The following WASF2 variants were observed in gnomAD, a reference collection of about 807,000 sequenced individuals.
The protein encoded by WASF2 is actin-binding protein WASF2.
Under a neutral mutation model 45.0 loss-of-function variants are expected in WASF2, and 14 were observed. The ratio of observed to expected loss-of-function variants is 0.31; its 90% CI spans 0.21 to 0.49. The LOEUF (loss-of-function observed/expected upper bound fraction) is 0.49. WASF2 is among the 20% of genes least tolerant of loss of function. WASF2 has a pLI of 0.99. For synonymous variants in WASF2, 200 were observed against 236.3 expected (o/e 0.85, Z 1.41); for missense variants, 439 against 636.1 (o/e 0.69, Z 3.33).
chr1:27,489,509 G>A (rs1037879378), intron 1 of WASF2, among the ~76,000 whole-genome samples: 20 of 151,294 alleles, frequency 1.3e-4, no homozygotes, highest in Non-Finnish European at 2.2e-4. Flanking sequence ...AGCAGGCCGG[G>A]GCCTCAACGA....
rs542082112 is a variant in WASF2 at position 27,458,968 on chromosome 1, A to G, written c.-43-30035T>C. Among the ~76,000 whole-genome samples the G allele has an allele frequency of 2.6e-5, 4 of 151,988 alleles. No homozygotes were observed. In the South Asian group the frequency reaches 8.3e-4, roughly 32 times the overall value. On this transcript the variant is annotated intron_variant, in intron 1 of 8. Coordinates refer to ENST00000618852, the MANE Select transcript of WASF2 (RefSeq NM_006990.5). ...TGGTAAAACCCTGTCTCTACTAAAA[A>G]TACAAAAATTAGCCAGGTGAGGTGG... is the stretch of plus-strand genomic sequence containing the variant.
intron 2 of WASF2, among the ~76,000 whole-genome samples, chr1:27,425,112 A>C (rs537338977): frequency 6.6e-6 from 1 of 152,232 alleles, no homozygotes; most frequent in African/African-American, 2.4e-5. Context: ...TATTTATTTG[A>C]GACAAGGTCT....
chr1:27,467,461 C>T (rs1393270538), intron 1 of WASF2, among the ~76,000 whole-genome samples: 10 of 149,666 alleles, frequency 6.7e-5, no homozygotes, highest in Non-Finnish European at 1.0e-4. Context: ...CCACCACGCC[C>T]GGCTAACTTT....
chr1:27,442,613 C>T (rs1484341249), intron 1 of WASF2, among the ~76,000 whole-genome samples: 1 of 151,736 alleles, frequency 6.6e-6, no homozygotes, highest in East Asian at 1.9e-4. Flanking sequence ...AATCACAGCA[C>T]TCTGGGAGGC....
At chr1:27,450,576 T>A (rs2017371298) in intron 1 of WASF2, among the ~76,000 whole-genome samples, 1 of 152,074 alleles carries the variant, frequency 6.6e-6, no homozygotes, top group South Asian at 2.1e-4. Flanking sequence ...TCTCAGCTCA[T>A]CACAACCTCT....
rs777680415 is a variant in WASF2, at chr1:27,414,674, C to T, written c.668+159G>A. On this transcript the variant is annotated intron_variant, in intron 6 of 8. Transcript: ENST00000618852. The surrounding 1 kb of genome is among the most constrained non-coding windows in gnomAD (Gnocchi z 4.1). Reference sequence around the variant, plus strand: ...TGATTTATTTAGCAAATTTTCATCACCAGATGGATGCACTTTAAAGTAGCT... The same window carrying T: ...TGATTTATTTAGCAAATTTTCATCATCAGATGGATGCACTTTAAAGTAGCT... 1.1e-4 allele frequency among the ~76,000 whole-genome samples: 16 copies of T among 152,154 alleles called. No homozygotes were observed. The highest frequency in any genetic ancestry group is 2.1e-4 in the Non-Finnish European group (14 of 68,032).
chr1:27,458,901 G>A (rs995349959), intron 1 of WASF2, among the ~76,000 whole-genome samples: 11 of 151,856 alleles, frequency 7.2e-5, no homozygotes, highest in South Asian at 4.2e-4. Context: ...TGAGGCAGGC[G>A]GATCACCTGA....
chr1:27,474,771 C>CA (rs1054445342), intron 1 of WASF2, among the ~76,000 whole-genome samples: 108 of 143,752 alleles, frequency 7.5e-4, no homozygotes, highest in Non-Finnish European at 1.1e-3. Flanking sequence ...GACTCTGCCT[C>CA]AAAAAAAAAA....
At chr1:27,445,241 T>C (rs1451577146) in intron 1 of WASF2, among the ~76,000 whole-genome samples, 3 of 152,194 alleles carry the variant, frequency 2.0e-5, no homozygotes, top group Non-Finnish European at 2.9e-5. Context: ...AGTCCTCCAA[T>C]TTTCCAAGGT....
intron 1 of WASF2, among the ~76,000 whole-genome samples, chr1:27,445,788 A>T (rs1314800351): frequency 6.6e-6 from 1 of 151,464 alleles, no homozygotes; most frequent in East Asian, 1.9e-4. Context: ...GTCCCTGAGA[A>T]TCGCTTTAAG....
chr1:27,409,428 CAAAAAAAAAAAAA>C (rs60940665), intron 8 of WASF2, among the ~76,000 whole-genome samples: 60 of 43,692 alleles, frequency 1.4e-3, no homozygotes, highest in East Asian at 9.7e-3. Context: ...CTGTCCCCCA[CAAAAAAAAAAAAA>C]AAAAAAAAAA....
chr1:27,418,998 C>A lies in WASF2; in HGVS notation c.221G>T (p.Arg74Leu). 1.2e-6 allele frequency: 2 copies of A among 1,613,958 alleles called. No homozygotes were observed. The highest frequency in any genetic ancestry group is 2.2e-5 in the South Asian group (2 of 91,070). ...RVSSLAERVD[R>L]LQVKVTQLDP... The stretch of plus-strand genomic sequence containing the variant: ...CAGCTGAGTGACTTTAACCTGTAGT[C>A]GGTCGACCCTCTCAGCAAGGGAGCT... Residue 74 changes from arginine to leucine, a missense_variant, in exon 3 of 9, where the codon CGA becomes CTA. Coordinates refer to ENST00000618852, the MANE Select transcript of WASF2 (RefSeq NM_006990.5).
At chr1:27,460,359 T>C (rs988151370) in intron 1 of WASF2, among the ~76,000 whole-genome samples, 1 of 152,032 alleles carries the variant, frequency 6.6e-6, no homozygotes, top group Non-Finnish European at 1.5e-5. Context: ...CGAGAGAATA[T>C]GAAAATGAAT....
intron 1 of WASF2, among the ~76,000 whole-genome samples, chr1:27,450,511 T>G (rs938391927): frequency 6.6e-6 from 1 of 152,118 alleles, no homozygotes; most frequent in African/African-American, 2.4e-5. Flanking sequence ...TCTTTTTTGT[T>G]TTTTTTGAGA....
At chr1:27,477,509 C>A (rs546089993) in intron 1 of WASF2, among the ~76,000 whole-genome samples, 2 of 152,066 alleles carry the variant, frequency 1.3e-5, no homozygotes, top group Non-Finnish European at 2.9e-5. Flanking sequence ...CACTGCACTC[C>A]AGCCTGGGTG....
chr1:27,461,978 CTTT>C (rs373306411), intron 1 of WASF2, among the ~76,000 whole-genome samples: 5 of 132,846 alleles, frequency 3.8e-5, no homozygotes, highest in African/African-American at 2.8e-5. Context: ...TATTTTATTA[CTTT>C]TTTTTTTTTT....
chr1:27,425,892 A>G (rs928822858), intron 2 of WASF2, among the ~76,000 whole-genome samples: 1 of 149,358 alleles, frequency 6.7e-6, no homozygotes, highest in Non-Finnish European at 1.5e-5. Context: ...ACATGCCTGT[A>G]GTCCCAGCTA....
chr1:27,430,410 G>C (rs1263487773), intron 1 of WASF2, among the ~76,000 whole-genome samples: 2 of 152,038 alleles, frequency 1.3e-5, no homozygotes, highest in Non-Finnish European at 2.9e-5. Flanking sequence ...ACCCAGGCTA[G>C]AGTGCAGTGG....
Position 27,454,651 on chromosome 1 carries a change from T to G in WASF2, c.-43-25718A>C, listed in dbSNP as rs528585973. Among the ~76,000 whole-genome samples, 9 of 152,312 alleles carry G rather than the reference T, an allele frequency of 5.9e-5. No homozygotes were observed. In the East Asian group the frequency reaches 1.3e-3, roughly 23 times the overall value. On this transcript the variant is annotated intron_variant, in intron 1 of 8. Coordinates refer to ENST00000618852, the MANE Select transcript of WASF2 (RefSeq NM_006990.5). ...CTGCGCCCAGCCACTTTTAAAATTTTTTTGTAGAGACAGTGTCTCACTATA... is the reference window on the plus strand; with the variant it reads ...CTGCGCCCAGCCACTTTTAAAATTTGTTTGTAGAGACAGTGTCTCACTATA...
Sources: gnomAD v4.1 joint callset for allele counts (sites outside exome capture counted in the v4.1 genomes callset) on GRCh38, gnomAD v4.1.1 for gene constraint, Gnocchi (gnomAD v3.1) non-coding constraint, MANE v1.5 for transcripts, NCBI Gene and HGNC (gene_info 2026-07-23, HGNC 2026-07-21) for gene names.